Variants in DCDC1 observed in about 807,000 individuals in gnomAD.
DCDC1 encodes doublecortin domain-containing protein 1.
A neutral mutation model predicts 178.3 loss-of-function variants in DCDC1; 200 were observed. The ratio of observed to expected loss-of-function variants is 1.12; its 90% confidence interval spans 1.00 to 1.26. DCDC1 has a LOEUF of 1.26. Among genes scored for constraint, DCDC1 ranks in the 50% most tolerant of loss-of-function variants. The probability of loss-of-function intolerance (pLI) is 0.00; values close to 1 mark genes in which losing one functional copy is unlikely to be tolerated. For synonymous variants in DCDC1, 690 were observed against 604.8 expected (o/e 1.14, Z -2.07); for missense variants, 1,983 against 1,749.2 (o/e 1.13, Z -2.38).
intron 7 of DCDC1, 140 bp downstream of exon 7, chr11:31,290,507 C>T (rs1456936313): frequency 8.1e-6 from 7 of 867,084 alleles, no homozygotes; most frequent in African/African-American, 1.7e-5. Flanking sequence ...CAGGTTTATA[C>T]AGAATTTTTT....
At chr11:31,048,519 A>T (rs904346382) in intron 20 of DCDC1, among the ~76,000 whole-genome samples, 1 of 152,158 alleles carries the variant, frequency 6.6e-6, no homozygotes, top group Non-Finnish European at 1.5e-5. Flanking sequence ...CTGGTCAAAA[A>T]AGAATGGACT....
rs190900371 is a variant in DCDC1, at chr11:30,912,387, G to A, written c.3654-967C>T. Among the ~76,000 whole-genome samples, 9 of 151,922 alleles carry A rather than the reference G, an allele frequency of 5.9e-5. No homozygotes were observed. In the East Asian group the frequency reaches 1.6e-3, roughly 26 times the overall value. On this transcript the variant is annotated intron_variant, in intron 27 of 38. Transcript: ENST00000684477. Reference sequence around the variant, plus strand: ...CAACCTCTACCTCTTGGGTTCAAACGATTCTTCTGCCTCAGTCTCCCGAGT... The same window carrying A: ...CAACCTCTACCTCTTGGGTTCAAACAATTCTTCTGCCTCAGTCTCCCGAGT...
At chr11:30,904,618 T>A (rs2134133591) in intron 31 of DCDC1, 1 of 282,174 alleles carries the variant, frequency 3.5e-6, no homozygotes, top group Admixed American at 4.7e-5. Flanking sequence ...TCAGATGACA[T>A]ACAACTTGAA....
chr11:30,878,224 G>A (rs976879412), intron 38 of DCDC1, among the ~76,000 whole-genome samples: 4 of 152,050 alleles, frequency 2.6e-5, no homozygotes, highest in African/African-American at 9.7e-5. Flanking sequence ...ATGTCGAGGT[G>A]GGAGGATTGC....
intron 15 of DCDC1, among the ~76,000 whole-genome samples, chr11:31,101,664 T>C (rs1026191720): frequency 2.0e-5 from 3 of 152,192 alleles, no homozygotes; most frequent in African/African-American, 7.2e-5. Context: ...GAATTAAATA[T>C]ATTGTTTTCC....
chr11:31,088,722 G>T (rs980314165), intron 17 of DCDC1, among the ~76,000 whole-genome samples: 4 of 151,928 alleles, frequency 2.6e-5, no homozygotes, highest in African/African-American at 7.3e-5. Context: ...GGTTTTGGGG[G>T]TGTTTTGTTT....
At chr11:30,965,116 G>A (rs1949350574) in intron 20 of DCDC1, among the ~76,000 whole-genome samples, 2 of 152,188 alleles carry the variant, frequency 1.3e-5, no homozygotes, top group African/African-American at 4.8e-5. Context: ...CATTCTTCAC[G>A]AAAGATTGCC....
At chr11:31,216,805 C>T (rs1004609930) in intron 9 of DCDC1, among the ~76,000 whole-genome samples, 1 of 152,190 alleles carries the variant, frequency 6.6e-6, no homozygotes, top group Non-Finnish European at 1.5e-5. Context: ...TTTCCCACCT[C>T]TGAACCTCAT....
At chr11:31,040,826 T>C (rs776174049) in intron 20 of DCDC1, among the ~76,000 whole-genome samples, 5 of 152,190 alleles carry the variant, frequency 3.3e-5, no homozygotes, top group African/African-American at 1.2e-4. Flanking sequence ...TCAGACATGA[T>C]ACCAGGAAAC....
At chr11:30,993,955 C>T (rs1012750264) in intron 20 of DCDC1, among the ~76,000 whole-genome samples, 1 of 152,050 alleles carries the variant, frequency 6.6e-6, no homozygotes, top group Non-Finnish European at 1.5e-5. Context: ...TTTTACGAGC[C>T]AGCATTATCC....
At chr11:31,105,402 G>T (rs748314785) in intron 13 of DCDC1, among the ~76,000 whole-genome samples, 1 of 151,308 alleles carries the variant, frequency 6.6e-6, no homozygotes, top group Non-Finnish European at 1.5e-5. Context: ...ATCATTAAAC[G>T]TATCAAAATT....
chr11:31,264,607 G>C (rs1453156104), intron 8 of DCDC1, among the ~76,000 whole-genome samples: 1 of 152,144 alleles, frequency 6.6e-6, no homozygotes, highest in Non-Finnish European at 1.5e-5. Flanking sequence ...AGGAATTACA[G>C]TTTCTCTGAG....
chr11:30,935,858 TTTC>T (rs1947247312), intron 21 of DCDC1, among the ~76,000 whole-genome samples: 1 of 152,136 alleles, frequency 6.6e-6, no homozygotes, highest in African/African-American at 2.4e-5. Flanking sequence ...GGCCTCATGT[TTTC>T]TTTTTACATT....
chr11:31,286,859 C>G (rs1946874744), intron 7 of DCDC1, among the ~76,000 whole-genome samples: 1 of 152,018 alleles, frequency 6.6e-6, no homozygotes, highest in Non-Finnish European at 1.5e-5. Flanking sequence ...GACTAAACCT[C>G]TTACTGAAAA....
At chr11:31,084,785 C>T (rs1217600952) in intron 17 of DCDC1, among the ~76,000 whole-genome samples, 1 of 151,848 alleles carries the variant, frequency 6.6e-6, no homozygotes, top group African/African-American at 2.4e-5. Context: ...GCTTTCTCCT[C>T]TATAGGTAAT....
chr11:31,090,480 C>T (rs551387001), intron 17 of DCDC1, among the ~76,000 whole-genome samples: 2 of 152,240 alleles, frequency 1.3e-5, no homozygotes, highest in Non-Finnish European at 2.9e-5. Flanking sequence ...ATGATACCTA[C>T]CCTATCAGAT....
chr11:31,184,517 GA>G (rs1969236326), intron 9 of DCDC1, among the ~76,000 whole-genome samples: 1 of 151,796 alleles, frequency 6.6e-6, no homozygotes, highest in Non-Finnish European at 1.5e-5. Flanking sequence ...CAGAATGGAA[GA>G]AAAGTTTTCT....
At chr11:31,239,039 T>C (rs1318728342) in intron 9 of DCDC1, among the ~76,000 whole-genome samples, 2 of 152,092 alleles carry the variant, frequency 1.3e-5, no homozygotes, top group Non-Finnish European at 2.9e-5. Flanking sequence ...AATGACAAAA[T>C]TTAAAGCTTA....
chr11:31,025,493 G>GC (rs1390066760), intron 20 of DCDC1, among the ~76,000 whole-genome samples: 1 of 151,786 alleles, frequency 6.6e-6, no homozygotes, highest in Non-Finnish European at 1.5e-5. Flanking sequence ...AAGCCCTTGA[G>GC]CACAGAGGAG....
Sources: allele counts gnomAD v4.1 joint callset (sites outside exome capture counted in the v4.1 genomes callset), GRCh38; gene constraint gnomAD v4.1.1; transcripts MANE v1.5; gene names NCBI Gene and HGNC (gene_info 2026-07-23, HGNC 2026-07-21).